Variants in CSMD1 observed in about 807,000 individuals in gnomAD.
CSMD1 encodes the protein CUB and sushi domain-containing protein 1.
A neutral mutation model predicts 417.5 loss-of-function variants in CSMD1; 213 were observed. The ratio of observed to expected loss-of-function variants is 0.51; its 90% confidence interval spans 0.46 to 0.57. CSMD1 has a LOEUF of 0.57. CSMD1 is among the 20% of genes least tolerant of loss of function. The probability of loss-of-function intolerance (pLI) is 0.00; values close to 1 mark genes in which losing one functional copy is unlikely to be tolerated. For synonymous variants in CSMD1, 2,862 were observed against 1,736.8 expected (o/e 1.65, Z -16.11); for missense variants, 6,923 against 4,529.7 (o/e 1.53, Z -15.17).
intron 39 of CSMD1, among the ~76,000 whole-genome samples, chr8:3,154,687 C>T (rs746027186): frequency 2.6e-5 from 4 of 152,238 alleles, no homozygotes; most frequent in South Asian, 2.1e-4. Context: ...TAGAAAACTG[C>T]GAGACCATTC....
chr8:4,837,963 C>G (rs1191216482), intron 1 of CSMD1, among the ~76,000 whole-genome samples: 1 of 152,116 alleles, frequency 6.6e-6, no homozygotes, highest in East Asian at 1.9e-4. Flanking sequence ...CTCACTGAGG[C>G]ATTGCCTGTG....
chr8:4,459,085 G>T (rs967630495), intron 2 of CSMD1, among the ~76,000 whole-genome samples: 1 of 152,144 alleles, frequency 6.6e-6, no homozygotes, highest in African/African-American at 2.4e-5. Context: ...TCTACCTGCA[G>T]ATTCCAGCCA....
intron 5 of CSMD1, among the ~76,000 whole-genome samples, chr8:3,816,935 T>C (rs1262888852): frequency 3.3e-5 from 5 of 152,144 alleles, no homozygotes; most frequent in African/African-American, 9.7e-5. Flanking sequence ...TCTACTATTC[T>C]AGGCAGCGAA....
In CSMD1 at chr8:4,841,930, A is replaced by ACAAAAC. The variant is rs1554499185; in HGVS notation, c.85+152401_85+152402insGTTTTG. Among the ~76,000 whole-genome samples the ACAAAAC allele has an allele frequency of 4.9e-5, 6 of 122,484 alleles. 1 individual carries two copies. In the East Asian group the frequency reaches 1.7e-3, roughly 34 times the overall value. 80.4% of individuals were successfully genotyped at this position (122,484 alleles called of 152,430 possible). A position where few individuals can be genotyped will look rare whatever the true frequency, so the allele number is the denominator to read the frequency against. On this transcript the variant is annotated intron_variant, in intron 1 of 69. Transcript: ENST00000635120. The stretch of plus-strand genomic sequence containing the variant: ...CCGTCTCAAAAAAAAAAAAAAAAAA[A>ACAAAAC]AAAAAAAAGTTCAGAACAATGGATA...
chr8:3,641,353 C>A (rs1797299313), intron 7 of CSMD1, among the ~76,000 whole-genome samples: 1 of 152,058 alleles, frequency 6.6e-6, no homozygotes, highest in South Asian at 2.1e-4. Flanking sequence ...CCAAGTGGAG[C>A]CCTTCATTTG....
At chr8:4,752,522 T>G (rs1443199358) in intron 1 of CSMD1, among the ~76,000 whole-genome samples, 2 of 152,176 alleles carry the variant, frequency 1.3e-5, no homozygotes, top group Non-Finnish European at 2.9e-5. Context: ...TGAATACCTC[T>G]TTGAAACTCA....
chr8:3,969,475 A>G (rs971385162), intron 5 of CSMD1, among the ~76,000 whole-genome samples: 1 of 152,190 alleles, frequency 6.6e-6, no homozygotes, highest in Non-Finnish European at 1.5e-5. Flanking sequence ...CCTGGTCTAT[A>G]AGTTTGTGTT....
intron 3 of CSMD1, among the ~76,000 whole-genome samples, chr8:4,112,593 G>C (rs749922050): frequency 5.9e-5 from 9 of 152,160 alleles, no homozygotes; most frequent in African/African-American, 9.7e-5. Flanking sequence ...TTCACAGTCT[G>C]TGCGTGTATG....
chr8:4,527,980 A>G (rs955689004), intron 2 of CSMD1, among the ~76,000 whole-genome samples: 5 of 152,126 alleles, frequency 3.3e-5, no homozygotes, highest in African/African-American at 1.2e-4. Flanking sequence ...TCTCTATAGA[A>G]TCCATGGCTC....
chr8:3,668,031 C>T (rs1798792890), intron 7 of CSMD1, among the ~76,000 whole-genome samples: 1 of 152,150 alleles, frequency 6.6e-6, no homozygotes, highest in African/African-American at 2.4e-5. Context: ...GGCTTCTCCC[C>T]CAGTCCCCAT....
At chr8:3,899,792 G>C (rs961997874) in intron 5 of CSMD1, among the ~76,000 whole-genome samples, 6 of 152,198 alleles carry the variant, frequency 3.9e-5, no homozygotes, top group Non-Finnish European at 8.8e-5. Context: ...CTGACTGGAA[G>C]GTGACAGTGG....
At chr8:3,352,659 G>C (rs1808494540) in intron 21 of CSMD1, among the ~76,000 whole-genome samples, 1 of 152,132 alleles carries the variant, frequency 6.6e-6, no homozygotes, top group Non-Finnish European at 1.5e-5. Flanking sequence ...GGCCAACATG[G>C]TGAAACCCTA....
At chr8:3,959,144 A>G (rs1812157725) in intron 5 of CSMD1, among the ~76,000 whole-genome samples, 1 of 152,206 alleles carries the variant, frequency 6.6e-6, no homozygotes, top group African/African-American at 2.4e-5. Flanking sequence ...TACATATTTA[A>G]AAGCATAATT....
intron 51 of CSMD1, among the ~76,000 whole-genome samples, chr8:3,024,524 C>T (rs926689180): frequency 3.2e-4 from 49 of 152,304 alleles, no homozygotes; most frequent in Admixed American, 2.7e-3. Flanking sequence ...CCAGGTTGGA[C>T]TCAAACTCCT....
intron 3 of CSMD1, among the ~76,000 whole-genome samples, chr8:4,035,147 C>T (rs1008159240): frequency 2.0e-5 from 3 of 151,596 alleles, no homozygotes; most frequent in Non-Finnish European, 2.9e-5. Context: ...TATACAACAT[C>T]GGTCCCAGGA....
intron 3 of CSMD1, among the ~76,000 whole-genome samples, chr8:4,059,868 G>A (rs898579864): frequency 1.0e-4 from 15 of 149,950 alleles, no homozygotes; most frequent in Non-Finnish European, 1.6e-4. Context: ...AGAGGTACAA[G>A]GAGGAACTGG....
At chr8:2,974,393 C>T in intron 56 of CSMD1, 58 bp downstream of exon 56, 2 of 1,367,964 alleles carry the variant, frequency 1.5e-6, no homozygotes, top group Non-Finnish European at 2.0e-6. Context: ...TTTGAAATCA[C>T]TATTTGAAAA....
intron 5 of CSMD1, among the ~76,000 whole-genome samples, chr8:3,917,391 G>C (rs925623304): frequency 1.4e-5 from 2 of 145,754 alleles, no homozygotes; most frequent in African/African-American, 5.2e-5. Flanking sequence ...CCCTCTACAG[G>C]AGTTTGGGTT....
rs561319665 is a variant in CSMD1, at chr8:3,528,658, A to AT, written c.1345-34933dup. 1.3e-3 allele frequency among the ~76,000 whole-genome samples: 197 copies of AT among 152,302 alleles called. 1 individual carries two copies. The highest frequency in any genetic ancestry group is 4.4e-3 in the Admixed American group (67 of 15,302). On this transcript the variant is annotated intron_variant, in intron 10 of 69. Coordinates refer to ENST00000635120, the MANE Select transcript of CSMD1 (RefSeq NM_033225.6). ...ATTAAATGTCTTGAAATTCTTCTTG[A>AT]TTTCTGGGACATGGTGGCTGCACCT... is the stretch of plus-strand genomic sequence containing the variant.
Sources: allele counts gnomAD v4.1 joint callset (sites outside exome capture counted in the v4.1 genomes callset), GRCh38; gene constraint gnomAD v4.1.1; transcripts MANE v1.5; gene names NCBI Gene and HGNC (gene_info 2026-07-23, HGNC 2026-07-21).